Variants in SLIT3 observed in about 807,000 individuals in gnomAD.
The protein encoded by SLIT3 is slit homolog 3 protein.
SLIT3 carries 68 observed loss-of-function variants against 184.0 expected under a neutral mutation model. The observed-to-expected ratio is 0.37, with a 90% confidence interval of 0.30 to 0.45. The LOEUF is 0.45. SLIT3 is among the 20% of genes least tolerant of loss of function. SLIT3 has a pLI of 1.00. For missense variants in SLIT3, 1,707 were observed against 2,026.0 expected, an observed-to-expected ratio of 0.84 and a Z score of 3.02; for synonymous variants, 831 against 828.6, an observed-to-expected ratio of 1.00 and a Z score of -0.05.
In SLIT3 at chr5:169,182,158, T is replaced by C. The variant is rs1279285995; in HGVS notation, c.413+11321A>G. Among the ~76,000 whole-genome samples, 6 of 151,986 alleles carry C rather than the reference T, an allele frequency of 3.9e-5. No homozygotes were observed. The East Asian group carries it at 1.2e-3, about 29-fold the overall frequency. ...CACTTCTAAGCAGGCTTCATCACCA[T>C]AAGTAGGGTGAGGAGAATTAGAAAA... On this transcript the variant is annotated intron_variant, in intron 4 of 35. Coordinates refer to ENST00000519560, the MANE Select transcript of SLIT3 (RefSeq NM_003062.4).
intron 12 of SLIT3, among the ~76,000 whole-genome samples, chr5:168,776,781 C>T (rs865901444): frequency 4.6e-5 from 7 of 152,078 alleles, no homozygotes; most frequent in Non-Finnish European, 7.4e-5. Context: ...GAGGACTCAA[C>T]GGGGTCCAGC....
At chr5:168,754,240 T>G (rs1236634469) in intron 16 of SLIT3, among the ~76,000 whole-genome samples, 1 of 152,234 alleles carries the variant, frequency 6.6e-6, no homozygotes, top group East Asian at 1.9e-4. Context: ...AAACAGACTG[T>G]ATGGTCAGTG....
At chr5:168,812,785 T>C (rs1342292101) in intron 8 of SLIT3, among the ~76,000 whole-genome samples, 2 of 152,160 alleles carry the variant, frequency 1.3e-5, no homozygotes, top group Admixed American at 1.3e-4. Context: ...ATCTCATTCC[T>C]GCAATGTCCA....
At position 168,891,816 on chromosome 5, in the gene SLIT3, G is replaced by C. The variant is rs73310270; in HGVS notation, c.414-8480C>G. 8.7e-3 allele frequency among the ~76,000 whole-genome samples: 1,330 copies of C among 152,340 alleles called. 15 individuals are homozygous for C. Among genetic ancestry groups the C allele is most frequent in the African/African-American group, 0.031 (1,269 of 41,570 alleles). On this transcript the variant is annotated intron_variant, in intron 4 of 35. Transcript: ENST00000519560. ...GCCTGTTTTGTCTCTTTCTGGGCAG[G>C]TGTTCCAAAGATTGCAAACTCAGAT...
chr5:168,883,580 C>G (rs4868062), intron 4 of SLIT3, among the ~76,000 whole-genome samples: 2 of 152,134 alleles, frequency 1.3e-5, no homozygotes, highest in African/African-American at 2.4e-5. Context: ...TGGGTGGTCT[C>G]GCACCTCCAG....
At chr5:169,184,788 C>G (rs750856841) in intron 4 of SLIT3, among the ~76,000 whole-genome samples, 1 of 152,188 alleles carries the variant, frequency 6.6e-6, no homozygotes, top group African/African-American at 2.4e-5. Flanking sequence ...ACAATCACTT[C>G]GGAATATGTT....
chr5:169,275,487 A>G (rs7712111), intron 1 of SLIT3, among the ~76,000 whole-genome samples: 65,388 of 152,002 alleles, frequency 0.43, 14,504 homozygotes, highest in East Asian at 0.71. Context: ...AGCATTGGAA[A>G]AGGATTGTAT....
chr5:169,282,560 T>G (rs1016963350), intron 1 of SLIT3, among the ~76,000 whole-genome samples: 1 of 152,358 alleles, frequency 6.6e-6, no homozygotes. Flanking sequence ...GATGTGAAAG[T>G]AATCACATTT....
At position 169,300,873 on chromosome 5, in the gene SLIT3, G is replaced by T. The variant is rs1418625331; in HGVS notation, c.-164C>A. The T allele has an allele frequency of 2.4e-5, 13 of 534,968 alleles. No individual in the cohort carries two copies. Among genetic ancestry groups the T allele is most frequent in the Non-Finnish European group, 3.5e-5 (13 of 373,292 alleles). The allele number at this position is 534,968 out of a possible 1,614,324, so 33.1% of individuals were successfully genotyped here. Reference sequence around the variant, plus strand: ...CAGGCGCACGGGGCGCGGGCGGAGCGGGGCGCTCCGGGCGGCGGCGGCGGC... The same window carrying T: ...CAGGCGCACGGGGCGCGGGCGGAGCTGGGCGCTCCGGGCGGCGGCGGCGGC... On this transcript the variant is annotated 5_prime_UTR_variant, in exon 1 of 36. Transcript: ENST00000519560. The surrounding 1 kb of genome is among the most constrained non-coding windows in gnomAD (Gnocchi z 4.1).
chr5:169,153,971 CTTTTTTT>C (rs1177389865), intron 4 of SLIT3, among the ~76,000 whole-genome samples: 2 of 134,854 alleles, frequency 1.5e-5, no homozygotes, highest in South Asian at 2.4e-4. Flanking sequence ...TGCTCCCAGC[CTTTTTTT>C]TTTTTTTTTT....
intron 4 of SLIT3, among the ~76,000 whole-genome samples, chr5:168,954,672 G>C (rs1044005654): frequency 6.6e-6 from 1 of 152,214 alleles, no homozygotes; most frequent in South Asian, 2.1e-4. Context: ...TGTCTCCAAA[G>C]CCTAAGACCC....
At chr5:168,932,286 C>CTA (rs1175239791) in intron 4 of SLIT3, among the ~76,000 whole-genome samples, 1 of 138,160 alleles carries the variant, frequency 7.2e-6, no homozygotes, top group African/African-American at 2.7e-5. Flanking sequence ...GTACAAGGCA[C>CTA]TATATATTTC....
intron 3 of SLIT3, among the ~76,000 whole-genome samples, chr5:169,215,139 A>G (rs1764392451): frequency 6.6e-6 from 1 of 152,118 alleles, no homozygotes; most frequent in Non-Finnish European, 1.5e-5. Context: ...AAATCATCGA[A>G]ATGTTTTAAT....
At chr5:169,100,927 A>T (rs1311950091) in intron 4 of SLIT3, among the ~76,000 whole-genome samples, 1 of 152,172 alleles carries the variant, frequency 6.6e-6, no homozygotes, top group African/African-American at 2.4e-5. Flanking sequence ...TGCCTCTCAA[A>T]GTGTCCTTCT....
intron 4 of SLIT3, among the ~76,000 whole-genome samples, chr5:168,932,265 T>TTG (rs563535893): frequency 0.019 from 2,844 of 150,798 alleles, 158 homozygotes; most frequent in African/African-American, 0.066. Context: ...TGTGTTTTTT[T>TTG]TTTTTTTTTG....
intron 4 of SLIT3, among the ~76,000 whole-genome samples, chr5:169,051,366 T>G (rs758062550): frequency 3.3e-5 from 5 of 151,984 alleles, no homozygotes; most frequent in Non-Finnish European, 7.4e-5. Context: ...TGAATCTTGA[T>G]TCTCATATTT....
intron 4 of SLIT3, among the ~76,000 whole-genome samples, chr5:168,947,386 G>A (rs753592238): frequency 1.3e-5 from 2 of 152,162 alleles, no homozygotes; most frequent in Non-Finnish European, 2.9e-5. Flanking sequence ...GAGAGCCACC[G>A]TCTGCCGCCC....
intron 20 of SLIT3, among the ~76,000 whole-genome samples, chr5:168,735,636 A>G (rs1001527728): frequency 2.0e-5 from 3 of 149,888 alleles, no homozygotes; most frequent in Non-Finnish European, 4.4e-5. Flanking sequence ...TTAAATATAC[A>G]TACACATACA....
At chr5:168,795,647 G>C in intron 9 of SLIT3, 69 bp from the exon 10 acceptor site, 10 of 1,243,848 alleles carry the variant, frequency 8.0e-6, no homozygotes, top group Non-Finnish European at 1.2e-5. Context: ...GAGGGCTACT[G>C]TGTTCTCTGG....
Sources: allele counts gnomAD v4.1 joint callset (sites outside exome capture counted in the v4.1 genomes callset), GRCh38; gene constraint gnomAD v4.1.1; non-coding constraint Gnocchi (gnomAD v3.1); transcripts MANE v1.5; gene names NCBI Gene and HGNC (gene_info 2026-07-23, HGNC 2026-07-21).